BRIP1: variants seen among roughly 807,000 people sequenced by gnomAD.
BRIP1 encodes the protein Fanconi anemia group J protein.
Under a neutral mutation model 119.7 loss-of-function variants are expected in BRIP1, and 88 were observed. The ratio of observed to expected loss-of-function variants is 0.74; its 90% CI spans 0.62 to 0.88. The LOEUF (loss-of-function observed/expected upper bound fraction) is 0.88. Ranked by LOEUF, BRIP1 falls within the 40% of genes least tolerant of loss-of-function variation. The probability of loss-of-function intolerance (pLI) is 0.00; values close to 1 mark genes in which losing one functional copy is unlikely to be tolerated. For synonymous variants in BRIP1, 443 were observed against 496.5 expected (o/e 0.89, Z 1.43); for missense variants, 1,259 against 1,455.4 (o/e 0.87, Z 2.20).
rs1331503117 is a variant in BRIP1 at position 61,853,389 on chromosome 17, T to C, written c.379+3669A>G. On this transcript the variant is annotated intron_variant, in intron 4 of 19. Coordinates refer to ENST00000259008, the MANE Select transcript of BRIP1 (RefSeq NM_032043.3). This position sits in a 1 kb window ranked among gnomAD's most constrained non-coding sequence, Gnocchi z 4.3. Reference sequence around the variant, plus strand: ...TGGGGTGTTGGTAATGTCTCTCTCTTTTTTTTTTAATCTATGTAGTAGTTA... The same window carrying C: ...TGGGGTGTTGGTAATGTCTCTCTCTCTTTTTTTTAATCTATGTAGTAGTTA... 5.3e-5 allele frequency among the ~76,000 whole-genome samples: 8 copies of C among 150,236 alleles called. No individual in the cohort carries two copies. Among genetic ancestry groups the C allele is most frequent in the African/African-American group, 2.4e-5 (1 of 40,956 alleles).
intron 6 of BRIP1, among the ~76,000 whole-genome samples, chr17:61,840,371 A>AAAAAG (rs1567861880): frequency 6.6e-6 from 1 of 151,622 alleles, no homozygotes; most frequent in Non-Finnish European, 1.5e-5. Flanking sequence ...AAAAAAAAAA[A>AAAAAG]AAAAGAAAAG....
chr17:61,763,112 A>G (rs192106435), intron 14 of BRIP1, among the ~76,000 whole-genome samples: 55 of 152,284 alleles, frequency 3.6e-4, no homozygotes, highest in Non-Finnish European at 6.6e-4. Context: ...TCTACTTTCT[A>G]TCTCTGAATT....
Position 61,686,225 on chromosome 17 carries a change from C to T in BRIP1, c.2576-60G>A, listed in dbSNP as rs2144120408. ...TACTTAGTTATTAAAATATTACATG[C>T]TAAGGTAATACACTTGCTTTTTCTA... On this transcript the variant is annotated intron_variant, in intron 18 of 19. Coordinates refer to ENST00000259008, the MANE Select transcript of BRIP1 (RefSeq NM_032043.3). This position sits in a 1 kb window ranked among gnomAD's most constrained non-coding sequence, Gnocchi z 5.4. 1.4e-6 allele frequency: 2 copies of T among 1,427,170 alleles called. No individual in the cohort carries two copies. Among genetic ancestry groups the T allele is most frequent in the South Asian group, 1.2e-5 (1 of 86,850 alleles). The allele number at this position is 1,427,170 out of a possible 1,614,324, so 88.4% of individuals were successfully genotyped here.
rs1445058402 is a variant in BRIP1, at chr17:61,735,903, AAC to A, written c.2379+7108_2379+7109del. On this transcript the variant is annotated intron_variant, in intron 16 of 19. Coordinates refer to ENST00000259008, the MANE Select transcript of BRIP1 (RefSeq NM_032043.3). The surrounding 1 kb of genome is among the most constrained non-coding windows in gnomAD (Gnocchi z 4.4). ...TGCCAGATAACAACACAACCTGGCC[AAC>A]ACTCTGATTGCAGCAGTTTTGTGGA... Among the ~76,000 whole-genome samples the A allele has an allele frequency of 6.6e-6, 1 of 152,194 alleles. No homozygotes were observed. Among genetic ancestry groups the A allele is most frequent in the Non-Finnish European group, 1.5e-5 (1 of 68,030 alleles).
At chr17:61,859,129 A>C (rs2078938930) in intron 3 of BRIP1, among the ~76,000 whole-genome samples, 1 of 151,396 alleles carries the variant, frequency 6.6e-6, no homozygotes. Flanking sequence ...ATTTCTGTTT[A>C]TCTGGCATTT....
At chr17:61,777,466 A>C (rs1391760989) in intron 13 of BRIP1, among the ~76,000 whole-genome samples, 1 of 152,068 alleles carries the variant, frequency 6.6e-6, no homozygotes, top group Non-Finnish European at 1.5e-5. Flanking sequence ...TTGAGGGCTC[A>C]GTCCCCAAGA....
chr17:61,844,366 C>T lies in BRIP1; in HGVS notation c.627+2735G>A, dbSNP rs2078698953. ...CTGGGAGGCCCAGGCAAGAGGATCA[C>T]TGGAGGCCATGAGTTTGAGACCAAC... On this transcript the variant is annotated intron_variant, in intron 6 of 19. Coordinates refer to ENST00000259008, the MANE Select transcript of BRIP1 (RefSeq NM_032043.3). This position sits in a 1 kb window ranked among gnomAD's most constrained non-coding sequence, Gnocchi z 4.7. Among the ~76,000 whole-genome samples, 1 of 152,170 alleles carries T rather than the reference C, an allele frequency of 6.6e-6. No individual in the cohort carries two copies.
chr17:61,781,847 G>A (rs1022141211), intron 11 of BRIP1, among the ~76,000 whole-genome samples: 1 of 151,624 alleles, frequency 6.6e-6, no homozygotes, highest in East Asian at 1.9e-4. Context: ...CTTGAACCCG[G>A]GAGGTGGAGG....
At chr17:61,792,037 T>C (rs2378905) in intron 10 of BRIP1, among the ~76,000 whole-genome samples, 119,629 of 152,194 alleles carry the variant, frequency 0.79, 47,571 homozygotes, top group African/African-American at 0.87. Context: ...ACAGGAACTT[T>C]TGTTCATTGC....
intron 4 of BRIP1, among the ~76,000 whole-genome samples, chr17:61,850,784 C>T (rs1003401758): frequency 2.0e-5 from 3 of 151,376 alleles, no homozygotes; most frequent in Admixed American, 6.6e-5. Flanking sequence ...GCTGAGATCG[C>T]GCCATGCACT....
rs905453524 is a variant in BRIP1, at chr17:61,704,025, A to C, written c.2493-10513T>G. Among the ~76,000 whole-genome samples the C allele has an allele frequency of 6.6e-6, 1 of 152,130 alleles. No individual in the cohort carries two copies. The highest frequency in any genetic ancestry group is 6.6e-5 in the Admixed American group (1 of 15,266). On this transcript the variant is annotated intron_variant, in intron 17 of 19. Coordinates refer to ENST00000259008, the MANE Select transcript of BRIP1 (RefSeq NM_032043.3). This position sits in a 1 kb window ranked among gnomAD's most constrained non-coding sequence, Gnocchi z 5.7. The stretch of plus-strand genomic sequence containing the variant: ...TTAAATCTTTAATCCATCTTGAGTT[A>C]ATTTTAATCCATCTTGAGTTGATTT...
chr17:61,717,419 T>C lies in BRIP1; in HGVS notation c.2380-1356A>G, dbSNP rs1399393963. ...CTTTCTTTAATATTAGTAGTGCACG[T>C]TTGCTAGCAATGAGTTCTTTCAACT... On this transcript the variant is annotated intron_variant, in intron 16 of 19. Transcript: ENST00000259008. This position sits in a 1 kb window ranked among gnomAD's most constrained non-coding sequence, Gnocchi z 4.1. Among the ~76,000 whole-genome samples, 2 of 152,120 alleles carry C rather than the reference T, an allele frequency of 1.3e-5. No individual in the cohort carries two copies. Among genetic ancestry groups the C allele is most frequent in the Non-Finnish European group, 2.9e-5 (2 of 67,994 alleles).
At position 61,859,866 on chromosome 17, in the gene BRIP1, C is replaced by T. The variant is rs2145851863; in HGVS notation, c.135G>A (p.Glu45=). ...GLNSKQHCLL[E]SPTGSGKSLA... is the part of the protein sequence containing the mutation. ...AGCTTTTTCCACTTCCTGTGGGACT[C>T]TCCAACAAACAATGTTGCTTGCTGT... Residue 45 remains glutamate, a synonymous_variant, in exon 3 of 20, where the codon GAG becomes GAA. Transcript: ENST00000259008. 1 of 1,613,912 alleles carries T rather than the reference C, an allele frequency of 6.2e-7. No individual in the cohort carries two copies. Among genetic ancestry groups the T allele is most frequent in the Non-Finnish European group, 8.5e-7 (1 of 1,179,850 alleles).
In BRIP1 at chr17:61,856,785, AT is replaced by A. The variant is rs2145822714; in HGVS notation, c.379+272del. Among the ~76,000 whole-genome samples, 1 of 152,290 alleles carries A rather than the reference AT, an allele frequency of 6.6e-6. No individual in the cohort carries two copies. The highest frequency in any genetic ancestry group is 2.1e-4 in the South Asian group (1 of 4,828). ...ATTAACAATAATGGCTACAAATAAC[AT>A]CAATTTTGGAAAATCATTTATTTTG... On this transcript the variant is annotated intron_variant, in intron 4 of 19. Coordinates refer to ENST00000259008, the MANE Select transcript of BRIP1 (RefSeq NM_032043.3). The surrounding 1 kb of genome is among the most constrained non-coding windows in gnomAD (Gnocchi z 5.1).
intron 14 of BRIP1, among the ~76,000 whole-genome samples, chr17:61,747,770 C>T (rs112336457): frequency 6.6e-6 from 1 of 152,080 alleles, no homozygotes; most frequent in South Asian, 2.1e-4. Context: ...CACTCTTGCT[C>T]TGTCACCCAG....
Position 61,808,795 on chromosome 17 carries a change from C to T in BRIP1, c.628-38G>A, listed in dbSNP as rs2145425112. ...AAAGAAACGATAACTAATATCTAAA[C>T]TACCATAAAAAACGTTATCAAACCT... On this transcript the variant is annotated intron_variant, in intron 6 of 19. Coordinates refer to ENST00000259008, the MANE Select transcript of BRIP1 (RefSeq NM_032043.3). The surrounding 1 kb of genome is among the most constrained non-coding windows in gnomAD (Gnocchi z 4.1). 6.3e-7 allele frequency: 1 copy of T among 1,592,136 alleles called. No individual in the cohort carries two copies. Among genetic ancestry groups the T allele is most frequent in the South Asian group, 1.1e-5 (1 of 90,622 alleles).
At position 61,715,998 on chromosome 17, in the gene BRIP1, C is replaced by T. The variant is rs764195906; in HGVS notation, c.2445G>A (p.Gln815=). ...CCCTGTATGCTTGAATTTCATACCACTGACGGCCAGGTAGAAGACCTCTCA... is the reference window on the plus strand; with the variant it reads ...CCCTGTATGCTTGAATTTCATACCATTGACGGCCAGGTAGAAGACCTCTCA... ...SKLRGLLPGR[Q]WYEIQAYRAL... Residue 815 remains glutamine, a synonymous_variant, in exon 17 of 20, where the codon CAG becomes CAA. Coordinates refer to ENST00000259008, the MANE Select transcript of BRIP1 (RefSeq NM_032043.3). 6.2e-7 allele frequency: 1 copy of T among 1,609,288 alleles called. No homozygotes were observed. Among genetic ancestry groups the T allele is most frequent in the Admixed American group, 1.7e-5 (1 of 59,830 alleles).
rs962220151 is a variant in BRIP1, at chr17:61,808,337, A to G, written c.918+130T>C. The G allele has an allele frequency of 3.3e-5, 31 of 929,366 alleles. No individual in the cohort carries two copies. The highest frequency in any genetic ancestry group is 4.6e-5 in the Non-Finnish European group (28 of 611,312). 57.6% of individuals were successfully genotyped at this position (929,366 alleles called of 1,614,324 possible). On this transcript the variant is annotated intron_variant, in intron 7 of 19. Transcript: ENST00000259008. The surrounding 1 kb of genome is among the most constrained non-coding windows in gnomAD (Gnocchi z 4.1). ...TTACAGGAAAATTGTTTTTTAAAAG[A>G]TATCAATACTAGCAGTTAATTTGAT...
intron 14 of BRIP1, among the ~76,000 whole-genome samples, chr17:61,747,674 G>A (rs150509580): frequency 3.6e-3 from 552 of 151,944 alleles, no homozygotes; most frequent in Admixed American, 7.1e-3. Flanking sequence ...CCTCAATACC[G>A]ATTCTACAAA....
Sources: allele counts gnomAD v4.1 joint callset (sites outside exome capture counted in the v4.1 genomes callset), GRCh38; gene constraint gnomAD v4.1.1; non-coding constraint Gnocchi (gnomAD v3.1); transcripts MANE v1.5; gene names NCBI Gene and HGNC (gene_info 2026-07-23, HGNC 2026-07-21).